IMPG2: variants seen among roughly 807,000 people sequenced by gnomAD.
The protein encoded by IMPG2 is interphotoreceptor matrix proteoglycan 2.
In IMPG2, 91 loss-of-function variants were observed where a neutral mutation model predicts 129.2. The ratio of observed to expected loss-of-function variants is 0.70; its 90% CI spans 0.59 to 0.84. The LOEUF is 0.84. Among genes scored for constraint, IMPG2 ranks in the 40% least tolerant of loss-of-function variants. IMPG2 has a pLI of 0.00. For missense variants in IMPG2, 1,430 were observed against 1,461.7 expected (o/e 0.98, Z 0.35); for synonymous variants, 510 against 517.7 (o/e 0.99, Z 0.20).
rs929009017 is a variant in IMPG2 at position 101,242,798 on chromosome 3, A to C, written c.2912T>G (p.Val971Gly). The change falls in exon 14 of 19, where the codon GTC (valine) becomes GGC (glycine). Residue 971 changes from valine to glycine, a missense_variant. Transcript: ENST00000193391. The part of the protein sequence containing the change: ...VNSRMKFANS[V>G]PPNVNNAVYM... ...CACCGCATTGTTGACGTTAGGAGGG[A>C]CAGAATTGGCAAACTTCATTCGACT... 1 of 1,614,018 alleles carries C rather than the reference A, an allele frequency of 6.2e-7. No individual in the cohort carries two copies. The highest frequency in any genetic ancestry group is 8.5e-7 in the Non-Finnish European group (1 of 1,179,946).
At chr3:101,262,406 G>A (rs1425601682) in intron 9 of IMPG2, among the ~76,000 whole-genome samples, 1 of 151,990 alleles carries the variant, frequency 6.6e-6, no homozygotes. Flanking sequence ...CTATTTCTGT[G>A]CTATACATTC....
intron 2 of IMPG2, among the ~76,000 whole-genome samples, chr3:101,319,125 G>A (rs1295967369): frequency 6.6e-6 from 1 of 152,076 alleles, no homozygotes. Flanking sequence ...TTACTGTAAT[G>A]AAGAAGTAAA....
chr3:101,263,363 T>A (rs1398238378), intron 9 of IMPG2, among the ~76,000 whole-genome samples: 1 of 152,000 alleles, frequency 6.6e-6, no homozygotes, highest in Non-Finnish European at 1.5e-5. Flanking sequence ...GTATCTTACC[T>A]GACCACAATG....
intron 9 of IMPG2, among the ~76,000 whole-genome samples, 154 bp from the exon 10 acceptor site, chr3:101,257,927 G>C (rs1706629604): frequency 6.6e-6 from 1 of 152,024 alleles, no homozygotes; most frequent in East Asian, 1.9e-4. Context: ...ACAACATTTT[G>C]CCATCCTCTC....
chr3:101,227,026 A>G, intron 18 of IMPG2, 45 bp from the exon 19 acceptor site: 1 of 1,591,910 alleles, frequency 6.3e-7, no homozygotes, highest in Non-Finnish European at 8.6e-7. Flanking sequence ...AAAAAGCAAG[A>G]ATGTAATAAA....
intron 13 of IMPG2, 97 bp from the exon 14 acceptor site, chr3:101,243,004 G>C: frequency 1.1e-6 from 1 of 930,172 alleles, no homozygotes; most frequent in Non-Finnish European, 1.7e-6. Flanking sequence ...GTAAGACCCT[G>C]CCTCACTTTT....
chr3:101,319,630 A>G lies in IMPG2; in HGVS notation c.288T>C (p.Ser96=), dbSNP rs749629473. The G allele has an allele frequency of 1.9e-6, 3 of 1,613,730 alleles. No individual in the cohort carries two copies. The highest frequency in any genetic ancestry group is 4.5e-5 in the East Asian group (2 of 44,876). Residue 96 remains serine, a synonymous_variant, in exon 2 of 19, where the codon AGT becomes AGC. Coordinates refer to ENST00000193391, the MANE Select transcript of IMPG2 (RefSeq NM_016247.4). ...CATGATTTGCCACAGCCTCTGCAAC[A>G]CTTTCATCTGGGCAGATTTTCACTC... ...PNGVKICPDE[S]VAEAVANHVK...
intron 14 of IMPG2, among the ~76,000 whole-genome samples, chr3:101,241,888 G>A (rs573998505): frequency 6.6e-6 from 1 of 152,156 alleles, no homozygotes; most frequent in Admixed American, 6.5e-5. Context: ...AATTAGCCAG[G>A]TGTGGTGGCA....
chr3:101,293,618 C>T (rs187320408), intron 3 of IMPG2, among the ~76,000 whole-genome samples: 115 of 152,304 alleles, frequency 7.6e-4, no homozygotes, highest in South Asian at 3.3e-3. Flanking sequence ...GAAATTCAGT[C>T]TGTCCTTCAT....
rs1706181161 is a variant in IMPG2, at chr3:101,222,949, A to G, written c.*4020T>C. ...AATAAAAACACCAGGATGAGGAATC[A>G]TTTAACCTAGGCTGTAGCTATAACT... is the stretch of plus-strand genomic sequence containing the variant. On this transcript the variant is annotated 3_prime_UTR_variant, in exon 19 of 19. Transcript: ENST00000193391. The G allele has an allele frequency of 6.6e-6, 1 of 152,234 alleles. No individual in the cohort carries two copies. Among genetic ancestry groups the G allele is most frequent in the African/African-American group, 2.4e-5 (1 of 41,470 alleles). The allele number at this position is 152,234 out of a possible 1,614,324, so 9.4% of individuals were successfully genotyped here.
At chr3:101,268,507 A>T (rs1403644224) in intron 8 of IMPG2, among the ~76,000 whole-genome samples, 1 of 152,122 alleles carries the variant, frequency 6.6e-6, no homozygotes, top group African/African-American at 2.4e-5. Context: ...GCTAAACAAC[A>T]CTGGGAAAAT....
chr3:101,256,141 AAAGAAAAGAAAG>A (rs1380481674), intron 10 of IMPG2, among the ~76,000 whole-genome samples: 18 of 144,158 alleles, frequency 1.2e-4, no homozygotes, highest in East Asian at 4.0e-4. Context: ...AGAAAGAAAG[AAAGAAAAGAAAG>A]AAAGAAAGAA....
At chr3:101,311,223 T>C (rs571207062) in intron 2 of IMPG2, among the ~76,000 whole-genome samples, 2 of 146,766 alleles carry the variant, frequency 1.4e-5, no homozygotes, top group South Asian at 4.3e-4. Context: ...ACCAGGGCAA[T>C]TGGGCAAGAA....
chr3:101,311,050 C>G (rs1328243263), intron 2 of IMPG2, among the ~76,000 whole-genome samples: 1 of 151,978 alleles, frequency 6.6e-6, no homozygotes, highest in Non-Finnish European at 1.5e-5. Context: ...TGAGGGGCTA[C>G]ACAGATCCAC....
chr3:101,266,230 A>T (rs1204172922), intron 9 of IMPG2, among the ~76,000 whole-genome samples: 1 of 152,182 alleles, frequency 6.6e-6, no homozygotes, highest in Non-Finnish European at 1.5e-5. Flanking sequence ...AAATTAGTAT[A>T]TCAAAGAGAT....
At chr3:101,296,078 G>A (rs1212310946) in intron 3 of IMPG2, among the ~76,000 whole-genome samples, 4 of 152,102 alleles carry the variant, frequency 2.6e-5, no homozygotes, top group African/African-American at 7.2e-5. Context: ...GATTGCCCTG[G>A]CCAGAAATTC....
chr3:101,289,468 G>C (rs1706981185), intron 4 of IMPG2, among the ~76,000 whole-genome samples: 2 of 152,040 alleles, frequency 1.3e-5, no homozygotes, highest in Admixed American at 6.6e-5. Flanking sequence ...AAAATATCTA[G>C]TATACTGTAA....
rs535669281 is a variant in IMPG2 at position 101,316,408 on chromosome 3, A to G, written c.334+3176T>C. On this transcript the variant is annotated intron_variant, in intron 2 of 18. Transcript: ENST00000193391. Reference sequence around the variant, plus strand: ...ACACATTAAGAACTATTACAACTCAATAATAGACAAGCAACCCATTTTTTA... The same window carrying G: ...ACACATTAAGAACTATTACAACTCAGTAATAGACAAGCAACCCATTTTTTA... 3.3e-5 allele frequency among the ~76,000 whole-genome samples: 5 copies of G among 152,200 alleles called. No individual in the cohort carries two copies. In the South Asian group the frequency reaches 8.3e-4, roughly 25 times the overall value.
intron 4 of IMPG2, among the ~76,000 whole-genome samples, chr3:101,285,995 A>G (rs1706942222): frequency 6.6e-6 from 1 of 152,146 alleles, no homozygotes; most frequent in Non-Finnish European, 1.5e-5. Flanking sequence ...GATGTAAAAT[A>G]TCCTAATAAT....
Sources: allele counts gnomAD v4.1 joint callset (sites outside exome capture counted in the v4.1 genomes callset), GRCh38; gene constraint gnomAD v4.1.1; transcripts MANE v1.5; gene names NCBI Gene and HGNC (gene_info 2026-07-23, HGNC 2026-07-21).